Variants in P2RY6 observed in about 807,000 individuals in gnomAD.
P2RY6 encodes pyrimidinergic receptor P2Y6, also known as P2Y purinoceptor 6.
P2RY6 carries 19 observed loss-of-function variants against 16.3 expected under a neutral mutation model. That is an observed-to-expected ratio of 1.16 (90% CI 0.81 to 1.71). The LOEUF (loss-of-function observed/expected upper bound fraction) is 1.71. Among genes scored for constraint, P2RY6 ranks in the 40% most tolerant of loss-of-function variants. The pLI is 0.00. For synonymous variants in P2RY6, 184 were observed against 201.5 expected, an observed-to-expected ratio of 0.91 and a Z score of 0.74; for missense variants, 389 against 455.5, an observed-to-expected ratio of 0.85 and a Z score of 1.33.
upstream of P2RY6, among the ~76,000 whole-genome samples, chr11:73,268,966 C>T (rs1863195246): frequency 6.6e-6 from 1 of 152,164 alleles, no homozygotes; most frequent in African/African-American, 2.4e-5. Context: ...CTGAGAAAAC[C>T]AAGGTTCAGG....
At chr11:73,269,756 C>A (rs1372783755), upstream of P2RY6, 2 of 152,296 alleles carry the variant, frequency 1.3e-5, no homozygotes, top group East Asian at 1.9e-4. Flanking sequence ...TGTCCTCCCC[C>A]AGCCTGGGGG....
At chr11:73,266,390 G>A (rs901391041) in intron 1 of P2RY6, among the ~76,000 whole-genome samples, 1 of 152,218 alleles carries the variant, frequency 6.6e-6, no homozygotes, top group Non-Finnish European at 1.5e-5. Flanking sequence ...CCCTGTGTAT[G>A]TGTGTGTTTG....
intron 1 of P2RY6, among the ~76,000 whole-genome samples, chr11:73,293,402 T>C (rs950002182): frequency 3.3e-5 from 5 of 152,168 alleles, no homozygotes; most frequent in African/African-American, 7.2e-5. Context: ...GGCAGAGGGA[T>C]GCAGAGAAGG....
intron 1 of P2RY6, among the ~76,000 whole-genome samples, chr11:73,290,248 CAG>C (rs1475258253): frequency 7.7e-5 from 10 of 129,058 alleles, no homozygotes; most frequent in Non-Finnish European, 1.4e-4. Context: ...AAGAGAGAGT[CAG>C]AGAGAGAGAG....
chr11:73,279,707 C>T (rs1378267471), intron 1 of P2RY6, among the ~76,000 whole-genome samples: 2 of 152,190 alleles, frequency 1.3e-5, no homozygotes, highest in Admixed American at 1.3e-4. Context: ...GCTGGTTCCA[C>T]AAAATTCCTG....
intron 1 of P2RY6, among the ~76,000 whole-genome samples, chr11:73,279,158 G>A (rs1863658576): frequency 6.6e-6 from 1 of 151,090 alleles, no homozygotes; most frequent in Non-Finnish European, 1.5e-5. Context: ...ATGCTTATTG[G>A]CCATTTGTAT....
At chr11:73,296,049 G>A (rs1864459672) in intron 2 of P2RY6, among the ~76,000 whole-genome samples, 1 of 151,898 alleles carries the variant, frequency 6.6e-6, no homozygotes. Context: ...CTGAGAGGCA[G>A]GTGCCGCATT....
At chr11:73,283,497 C>T (rs1289510435) in intron 1 of P2RY6, among the ~76,000 whole-genome samples, 2 of 152,226 alleles carry the variant, frequency 1.3e-5, no homozygotes, top group Admixed American at 1.3e-4. Flanking sequence ...CCTGCACCAG[C>T]CCTGGGTGGT....
chr11:73,283,918 AG>A (rs1255360042), intron 1 of P2RY6, among the ~76,000 whole-genome samples: 13 of 152,146 alleles, frequency 8.5e-5, no homozygotes, highest in Admixed American at 7.9e-4. Context: ...AGCACAGGGA[AG>A]GTGCTGAAGA....
chr11:73,292,773 C>T, intron 1 of P2RY6: 1 of 984,858 alleles, frequency 1.0e-6, no homozygotes, highest in African/African-American at 1.7e-5. Context: ...TCAGAGACAG[C>T]CCTGCCAGGA....
chr11:73,268,071 G>A (rs1863164181), upstream of P2RY6, among the ~76,000 whole-genome samples: 1 of 152,278 alleles, frequency 6.6e-6, no homozygotes, highest in East Asian at 1.9e-4. Context: ...GTGTTCCCAA[G>A]TGTGGCAGGT....
In P2RY6 at chr11:73,297,138, C is replaced by A. The variant is rs1864533736; in HGVS notation, c.620C>A (p.Ala207Asp). 6.2e-7 allele frequency: 1 copy of A among 1,604,904 alleles called. No individual in the cohort carries two copies. The highest frequency in any genetic ancestry group is 2.2e-5 in the East Asian group (1 of 44,876). ...TVIGFLLPFA[A>D]LLACYCLLAC... ...ATCGGCTTCCTGCTGCCCTTTGCTG[C>A]CCTGCTGGCCTGCTACTGTCTCCTG... is the stretch of plus-strand genomic sequence containing the variant. Residue 207 changes from alanine (A) to aspartate (D), a missense_variant, in exon 3 of 3, where the codon GCC (alanine) becomes GAC (aspartate). By Grantham distance (126) the Ala-to-Asp change is moderately radical. Transcript: ENST00000540124.
In P2RY6 at chr11:73,291,272, C is replaced by A. The variant is rs111599584; in HGVS notation, c.-120-4458C>A. Among the ~76,000 whole-genome samples, 160 of 152,276 alleles carry A rather than the reference C, an allele frequency of 1.1e-3. 3 individuals are homozygous for A. The highest frequency in any genetic ancestry group is 2.8e-3 in the Admixed American group (43 of 15,298). ...CCATCCAGGTTGCAGGGACTGAGAC[C>A]ACTTAGGCTTCTTACCCAAGCCTTG... On this transcript the variant is annotated intron_variant, in intron 1 of 2. Transcript: ENST00000540124.
At chr11:73,294,998 G>A (rs1422496765) in intron 1 of P2RY6, among the ~76,000 whole-genome samples, 1 of 152,154 alleles carries the variant, frequency 6.6e-6, no homozygotes, top group Admixed American at 6.5e-5. Context: ...CACCCACTGA[G>A]TGCATTTGCA....
chr11:73,273,629 C>T (rs111625016), intron 1 of P2RY6, among the ~76,000 whole-genome samples: 16 of 152,248 alleles, frequency 1.1e-4, no homozygotes, highest in Middle Eastern at 3.4e-3. Context: ...ACCTGGAAAT[C>T]GTTTCTGAGC....
chr11:73,275,162 C>T (rs1299315746), intron 1 of P2RY6, among the ~76,000 whole-genome samples: 1 of 152,188 alleles, frequency 6.6e-6, no homozygotes, highest in Non-Finnish European at 1.5e-5. Context: ...GTGGGTCCAG[C>T]TCTCCCCTTA....
rs1435840105 is a variant in P2RY6 at position 73,296,555 on chromosome 11, T to C, written c.37T>C (p.Leu13=). ...CAATGGCACAGGCCAGGCTCTGGGC[T>C]TGCCACCCACCACCTGTGTCTACCG... ...WDNGTGQALG[L]PPTTCVYREN... Residue 13 remains leucine (L), a synonymous_variant, in exon 3 of 3, where the codon TTG becomes CTG. Transcript: ENST00000540124. The C allele has an allele frequency of 6.2e-7, 1 of 1,614,046 alleles. No homozygotes were observed. Among genetic ancestry groups the C allele is most frequent in the Non-Finnish European group, 8.5e-7 (1 of 1,180,018 alleles).
At chr11:73,290,377 G>A (rs989214036) in intron 1 of P2RY6, among the ~76,000 whole-genome samples, 22 of 147,512 alleles carry the variant, frequency 1.5e-4, no homozygotes, top group African/African-American at 5.4e-4. Flanking sequence ...GAAAGAAAGA[G>A]AAAGAAAGAA....
At chr11:73,286,705 T>C (rs1863987429) in intron 1 of P2RY6, among the ~76,000 whole-genome samples, 1 of 152,060 alleles carries the variant, frequency 6.6e-6, no homozygotes, top group Non-Finnish European at 1.5e-5. Flanking sequence ...TCTCTGAGGC[T>C]CCAGAGGCAA....
Sources: allele counts gnomAD v4.1 joint callset (sites outside exome capture counted in the v4.1 genomes callset), GRCh38; gene constraint gnomAD v4.1.1; transcripts MANE v1.5; gene names NCBI Gene and HGNC (gene_info 2026-07-23, HGNC 2026-07-21).